Variants in ARB2A observed in about 807,000 individuals in gnomAD.
ARB2A encodes the protein ARB2 cotranscriptional regulator A.
chr5:93,807,743 A>G, the ARB2A span, among the ~76,000 whole-genome samples: 2 of 152,044 alleles, frequency 1.3e-5, no homozygotes, highest in Admixed American at 1.3e-4. Flanking sequence ...ATACTCTAGC[A>G]ATTTTCTTTA....
chr5:93,817,937 A>T, the ARB2A span, among the ~76,000 whole-genome samples: 1 of 152,112 alleles, frequency 6.6e-6, no homozygotes, highest in African/African-American at 2.4e-5. Context: ...AAATTTTCAC[A>T]ATCATTTATC....
the ARB2A span, among the ~76,000 whole-genome samples, chr5:93,869,708 T>C: frequency 1.3e-5 from 2 of 152,196 alleles, no homozygotes; most frequent in East Asian, 3.9e-4. Flanking sequence ...ATGTACTTTG[T>C]AATCTCCCCC....
At chr5:93,857,543 T>C in the ARB2A span, among the ~76,000 whole-genome samples, 1 of 152,136 alleles carries the variant, frequency 6.6e-6, no homozygotes, top group Non-Finnish European at 1.5e-5. Context: ...CTCAGACTGC[T>C]GGGCTAGAAA....
chr5:93,683,194 A>T, the ARB2A span: 3 of 1,301,468 alleles, frequency 2.3e-6, no homozygotes, highest in Non-Finnish European at 2.2e-6. Context: ...CATCATCATC[A>T]TCTTCATCAT....
the ARB2A span, among the ~76,000 whole-genome samples, chr5:93,803,117 A>G: frequency 6.6e-6 from 1 of 152,080 alleles, no homozygotes; most frequent in African/African-American, 2.4e-5. Context: ...TAGATAGGTG[A>G]TAGTGAAAAG....
the ARB2A span, among the ~76,000 whole-genome samples, chr5:93,804,437 A>G: frequency 6.6e-6 from 1 of 151,910 alleles, no homozygotes; most frequent in African/African-American, 2.4e-5. Flanking sequence ...TGCATTTTTA[A>G]TAGACTCTTA....
chr5:93,941,657 G>A, the ARB2A span, among the ~76,000 whole-genome samples: 34 of 152,030 alleles, frequency 2.2e-4, no homozygotes, highest in Non-Finnish European at 4.3e-4. Context: ...AAAATACAAA[G>A]GTCAAATTAT....
chr5:93,958,454 GAT>G, the ARB2A span, among the ~76,000 whole-genome samples: 4 of 151,932 alleles, frequency 2.6e-5, no homozygotes, highest in African/African-American at 9.7e-5. Flanking sequence ...ATAAATATTT[GAT>G]AGTTTGATAA....
At chr5:93,830,349 A>C in the ARB2A span, among the ~76,000 whole-genome samples, 5 of 141,606 alleles carry the variant, frequency 3.5e-5, no homozygotes, top group Admixed American at 7.1e-5. Flanking sequence ...ATATATATAT[A>C]TATCCACACA....
At chr5:94,048,050 G>GTT in the ARB2A span, among the ~76,000 whole-genome samples, 1 of 41,600 alleles carries the variant, frequency 2.4e-5, no homozygotes, top group Admixed American at 3.5e-4. Context: ...AAATCGGTAA[G>GTT]CTTTTTTTTT....
chr5:93,853,009 T>C, the ARB2A span, among the ~76,000 whole-genome samples: 2 of 152,234 alleles, frequency 1.3e-5, no homozygotes, highest in Non-Finnish European at 2.9e-5. Flanking sequence ...CATTGGTAGC[T>C]TGATGGGGAT....
chr5:93,992,830 A>G, the ARB2A span, among the ~76,000 whole-genome samples: 2 of 152,102 alleles, frequency 1.3e-5, no homozygotes, highest in Non-Finnish European at 2.9e-5. Flanking sequence ...TTAAATTAAG[A>G]TTAAGAGGTA....
chr5:93,692,197 G>C, the ARB2A span, among the ~76,000 whole-genome samples: 3 of 152,122 alleles, frequency 2.0e-5, no homozygotes, highest in African/African-American at 7.2e-5. Flanking sequence ...AAATGTAAAT[G>C]GGTTAAAAGC....
chr5:93,709,632 C>CAAAAAAAAAAA, the ARB2A span, among the ~76,000 whole-genome samples: 1 of 41,698 alleles, frequency 2.4e-5, no homozygotes, highest in Admixed American at 3.9e-4. Context: ...GACTCTGTCA[C>CAAAAAAAAAAA]AAAAAAAAAA....
chr5:94,097,592 T>C, the ARB2A span, among the ~76,000 whole-genome samples: 4 of 152,192 alleles, frequency 2.6e-5, no homozygotes, highest in African/African-American at 9.6e-5. Context: ...GCCACCCATG[T>C]AAGACATGAC....
At chr5:93,876,624 T>C in the ARB2A span, among the ~76,000 whole-genome samples, 1 of 151,844 alleles carries the variant, frequency 6.6e-6, no homozygotes, top group East Asian at 1.9e-4. Context: ...TTGCAAAAAT[T>C]TGAAAGGAGA....
the ARB2A span, among the ~76,000 whole-genome samples, chr5:93,684,035 AC>A: frequency 6.6e-6 from 1 of 152,046 alleles, no homozygotes; most frequent in Non-Finnish European, 1.5e-5. Flanking sequence ...TTTTTACAAA[AC>A]CTCTATTAGA....
the ARB2A span, among the ~76,000 whole-genome samples, chr5:93,903,763 C>A: frequency 6.6e-6 from 1 of 150,440 alleles, no homozygotes; most frequent in Non-Finnish European, 1.5e-5. Flanking sequence ...AGCCACATAG[C>A]AGATAGTCCT....
the ARB2A span, among the ~76,000 whole-genome samples, chr5:94,001,470 T>C: frequency 2.0e-5 from 3 of 152,160 alleles, no homozygotes; most frequent in African/African-American, 7.2e-5. Flanking sequence ...TCATTTGTAG[T>C]TGCCCCATGG....
Sources: allele counts gnomAD v4.1 joint callset (sites outside exome capture counted in the v4.1 genomes callset), GRCh38; gene constraint gnomAD v4.1.1; transcripts MANE v1.5; gene names NCBI Gene and HGNC (gene_info 2026-07-23, HGNC 2026-07-21).